CMYA5: variants seen among roughly 807,000 people sequenced by gnomAD.
CMYA5 encodes the protein cardiomyopathy associated 5, also known as cardiomyopathy-associated protein 5.
A neutral mutation model predicts 318.9 loss-of-function variants in CMYA5; 246 were observed. That is an observed-to-expected ratio of 0.77 (90% CI 0.70 to 0.86). CMYA5 has a LOEUF of 0.86. CMYA5 is among the 40% of genes least tolerant of loss of function. CMYA5 has a pLI of 0.00. For synonymous variants in CMYA5, 1,641 were observed against 1,729.5 expected (o/e 0.95, Z 1.27); for missense variants, 4,589 against 4,678.2 (o/e 0.98, Z 0.56).
chr5:79,731,141 A>G lies in CMYA5; in HGVS notation c.2376A>G (p.Thr792=). 6.2e-7 allele frequency: 1 copy of G among 1,614,020 alleles called. No individual in the cohort carries two copies. The highest frequency in any genetic ancestry group is 8.5e-7 in the Non-Finnish European group (1 of 1,179,898). The change falls in exon 2 of 13, where the codon ACA becomes ACG. Residue 792 remains threonine, a synonymous_variant. Coordinates refer to ENST00000446378, the MANE Select transcript of CMYA5 (RefSeq NM_153610.5). The part of the protein sequence containing the change: ...EGEDLGSERF[T]PDSKLISKYA... The stretch of plus-strand genomic sequence containing the variant: ...AGGACCTAGGAAGTGAACGTTTCAC[A>G]CCGGATTCAAAGTTGATCTCCAAAT...
At chr5:79,710,201 C>T (rs1354983194) in intron 1 of CMYA5, among the ~76,000 whole-genome samples, 1 of 151,968 alleles carries the variant, frequency 6.6e-6, no homozygotes, top group African/African-American at 2.4e-5. Flanking sequence ...TGTCATTCTT[C>T]TCACTAAATG....
Position 79,734,257 on chromosome 5 carries a change from A to T in CMYA5, c.5492A>T (p.Asp1831Val). The stretch of plus-strand genomic sequence containing the variant: ...AAGACAGAAAAAGCACTTCATTCAG[A>T]TCAAACTGTTAAATTACCTGATGTA... ...QKKTEKALHS[D>V]QTVKLPDVST... The change falls in exon 2 of 13, where the codon GAT (aspartate) becomes GTT (valine). Residue 1831 changes from aspartate to valine, a missense_variant. Asp to Val is a radical substitution (Grantham distance 152). Coordinates refer to ENST00000446378, the MANE Select transcript of CMYA5 (RefSeq NM_153610.5). The T allele has an allele frequency of 6.2e-7, 1 of 1,613,608 alleles. No homozygotes were observed. The highest frequency in any genetic ancestry group is 8.5e-7 in the Non-Finnish European group (1 of 1,179,778).
In CMYA5 at chr5:79,735,772, T is replaced by C; in HGVS notation, c.7007T>C (p.Val2336Ala). ...GTTATGGAAGAAGCCAAAACTATTGTTCCTCCTCATGTTACTGATAGTAAA... is the reference window on the plus strand; with the variant it reads ...GTTATGGAAGAAGCCAAAACTATTGCTCCTCCTCATGTTACTGATAGTAAA... ...KLVMEEAKTI[V>A]PPHVTDSKRV... Residue 2336 changes from valine (V) to alanine (A), a missense_variant, in exon 2 of 13, where the codon GTT becomes GCT. Around this residue, in one of 3 missense-constraint regions of CMYA5, gnomAD observed 2,431 missense variants for 2,495.1 expected, o/e 0.97. Coordinates refer to ENST00000446378, the MANE Select transcript of CMYA5 (RefSeq NM_153610.5). 1 of 1,569,294 alleles carries C rather than the reference T, an allele frequency of 6.4e-7. No individual in the cohort carries two copies. Among genetic ancestry groups the C allele is most frequent in the Non-Finnish European group, 8.6e-7 (1 of 1,164,746 alleles).
Position 79,729,699 on chromosome 5 carries a change from G to C in CMYA5, c.934G>C (p.Glu312Gln), listed in dbSNP as rs1351706328. ...GAGAGGCGCACTCTCCAAAGGATCA[G>C]AGTCCCTAACCTTAATGTTCAGTCA... ...PWRGALSKGS[E>Q]SLTLMFSHED... The change falls in exon 2 of 13, where the codon GAG becomes CAG. Residue 312 changes from glutamate to glutamine, a missense_variant. By Grantham distance (29) the Glu-to-Gln change is conservative (BLOSUM62 2). This residue lies in a region of CMYA5 where 2,132 missense variants were observed against 2,131.3 expected (regional missense o/e 1.00). Transcript: ENST00000446378. 6.2e-7 allele frequency: 1 copy of C among 1,613,836 alleles called. No individual in the cohort carries two copies. Among genetic ancestry groups the C allele is most frequent in the African/African-American group, 1.3e-5 (1 of 74,926 alleles).
intron 1 of CMYA5, among the ~76,000 whole-genome samples, chr5:79,690,630 TACTATGTACAAAAG>T (rs1324708938): frequency 6.6e-6 from 1 of 152,202 alleles, no homozygotes; most frequent in Non-Finnish European, 1.5e-5. Context: ...GATGAAGTAA[TACTATGTACAAAAG>T]ATGCACCTCC....
At chr5:79,790,249 T>C (rs1266154117) in intron 10 of CMYA5, among the ~76,000 whole-genome samples, 2 of 151,946 alleles carry the variant, frequency 1.3e-5, no homozygotes, top group East Asian at 3.9e-4. Flanking sequence ...GAGTCTCTCC[T>C]TTAGGTTATA....
intron 7 of CMYA5, among the ~76,000 whole-genome samples, chr5:79,759,191 G>A (rs936834664): frequency 2.6e-5 from 4 of 152,216 alleles, no homozygotes; most frequent in East Asian, 3.8e-4. Context: ...GAGCAATGAA[G>A]TGGTTCTCAT....
intron 9 of CMYA5, among the ~76,000 whole-genome samples, chr5:79,788,122 C>T (rs889663087): frequency 6.6e-6 from 1 of 152,172 alleles, no homozygotes; most frequent in African/African-American, 2.4e-5. Context: ...GGCTCTCCAG[C>T]ACCCAGGTTA....
rs1828026311 is a variant in CMYA5, at chr5:79,735,168, A to G, written c.6403A>G (p.Ile2135Val). 4 of 1,613,524 alleles carry G rather than the reference A, an allele frequency of 2.5e-6. No homozygotes were observed. The highest frequency in any genetic ancestry group is 2.2e-5 in the South Asian group (2 of 91,038). Reference sequence around the variant, plus strand: ...AAAAATACCCACACAAAGAAAACCCATCTCCTCAATCCATGCAAGAGAGCC... The same window carrying G: ...AAAAATACCCACACAAAGAAAACCCGTCTCCTCAATCCATGCAAGAGAGCC... ...EVKIPTQRKP[I>V]SSIHAREPQS... The change falls in exon 2 of 13, where the codon ATC (isoleucine) becomes GTC (valine). Residue 2135 changes from isoleucine (I) to valine (V), a missense_variant. Ile to Val is a conservative substitution (Grantham distance 29, BLOSUM62 3). Coordinates refer to ENST00000446378, the MANE Select transcript of CMYA5 (RefSeq NM_153610.5).
rs759592720 is a variant in CMYA5 at position 79,689,935 on chromosome 5, G to A, written c.28G>A (p.Gly10Ser). MASRDSNHA[G>S]ESFLGSDGDE... ...GGCGAGCCGCGATAGCAACCACGCT[G>A]GCGAGAGCTTTCTCGGCTCCGACGG... Residue 10 changes from glycine (G) to serine (S), a missense_variant, in exon 1 of 13, where the codon GGC becomes AGC. Physicochemically the swap from Gly to Ser is moderately conservative, Grantham distance 56. Around this residue, in one of 3 missense-constraint regions of CMYA5, gnomAD observed 2,132 missense variants for 2,131.3 expected, o/e 1.00. Coordinates refer to ENST00000446378, the MANE Select transcript of CMYA5 (RefSeq NM_153610.5). The A allele has an allele frequency of 5.7e-5, 56 of 988,904 alleles. No homozygotes were observed. The allele number at this position is 988,904 out of a possible 1,614,324, so 61.3% of individuals were successfully genotyped here. A position where few individuals can be genotyped will look rare whatever the true frequency, so the allele number is the denominator to read the frequency against.
chr5:79,796,585 G>C (rs943831045), intron 12 of CMYA5, among the ~76,000 whole-genome samples: 2 of 152,132 alleles, frequency 1.3e-5, no homozygotes, highest in African/African-American at 2.4e-5. Flanking sequence ...ATTTTTAGTA[G>C]AAACAGATTT....
intron 6 of CMYA5, among the ~76,000 whole-genome samples, chr5:79,755,805 G>T (rs1336551113): frequency 4.1e-5 from 5 of 123,424 alleles, no homozygotes; most frequent in Non-Finnish European, 7.5e-5. Context: ...TAATGCTTTT[G>T]GGGGAAGGAG....
rs748444439 is a variant in CMYA5, at chr5:79,736,543, C to T, written c.7778C>T (p.Ser2593Leu). 6.2e-7 allele frequency: 1 copy of T among 1,613,606 alleles called. No homozygotes were observed. Among genetic ancestry groups the T allele is most frequent in the South Asian group, 1.1e-5 (1 of 91,052 alleles). Residue 2593 changes from serine (S) to leucine (L), a missense_variant, in exon 2 of 13, where the codon TCA becomes TTA. Transcript: ENST00000446378. ...TCATTTTCATTAGTTAAAGCTACAT[C>T]AGTTACTGAAAAATCAGAAGCCATG... is the stretch of plus-strand genomic sequence containing the variant. ...TQSFSLVKAT[S>L]VTEKSEAMLA...
chr5:79,773,508 T>C (rs1413796205), intron 9 of CMYA5, among the ~76,000 whole-genome samples: 1 of 152,206 alleles, frequency 6.6e-6, no homozygotes, highest in African/African-American at 2.4e-5. Flanking sequence ...GTTCTGGATT[T>C]CATGCAAAAA....
intron 1 of CMYA5, among the ~76,000 whole-genome samples, chr5:79,721,247 G>T (rs1827619867): frequency 6.6e-6 from 1 of 152,148 alleles, no homozygotes; most frequent in African/African-American, 2.4e-5. Context: ...ACTTTGTGAA[G>T]CTAAGGTGAG....
chr5:79,734,394 G>T lies in CMYA5; in HGVS notation c.5629G>T (p.Val1877Phe). 1 of 1,613,858 alleles carries T rather than the reference G, an allele frequency of 6.2e-7. No homozygotes were observed. Among genetic ancestry groups the T allele is most frequent in the Non-Finnish European group, 8.5e-7 (1 of 1,179,818 alleles). ...KSFMTTKPAD[V>F]KETKMEEFFI... The stretch of plus-strand genomic sequence containing the variant: ...ATTTATGACAACCAAGCCTGCGGAT[G>T]TCAAAGAAACAAAAATGGAAGAATT... Residue 1877 changes from valine (V) to phenylalanine (F), a missense_variant, in exon 2 of 13, where the codon GTC becomes TTC. Coordinates refer to ENST00000446378, the MANE Select transcript of CMYA5 (RefSeq NM_153610.5).
rs777876693 is a variant in CMYA5, at chr5:79,790,960, C to T, written c.11690-10C>T. 1.3e-6 allele frequency: 2 copies of T among 1,595,696 alleles called. No individual in the cohort carries two copies. The highest frequency in any genetic ancestry group is 1.1e-5 in the South Asian group (1 of 90,196). On this transcript the variant is annotated splice_polypyrimidine_tract_variant and intron_variant, in intron 10 of 12. Transcript: ENST00000446378. The stretch of plus-strand genomic sequence containing the variant: ...GCAATGTTTTAATACTATTTTCTCA[C>T]CTGCAATAGGAACCAGATTTCTCTT...
intron 11 of CMYA5, among the ~76,000 whole-genome samples, chr5:79,792,633 G>C (rs926709686): frequency 6.6e-6 from 1 of 152,192 alleles, no homozygotes; most frequent in Non-Finnish European, 1.5e-5. Context: ...TGTTAAAGGG[G>C]AGAGGGAGAG....
chr5:79,732,447 C>A lies in CMYA5; in HGVS notation c.3682C>A (p.Pro1228Thr). The A allele has an allele frequency of 6.2e-7, 1 of 1,613,260 alleles. No individual in the cohort carries two copies. The highest frequency in any genetic ancestry group is 8.5e-7 in the Non-Finnish European group (1 of 1,179,616). The stretch of plus-strand genomic sequence containing the variant: ...TGTATCACAGGATCAAAAAATGGAG[C>A]CTCAGCCTCCAAATGTTCCAGAGTC... The part of the protein sequence containing the change: ...AHVSQDQKME[P>T]QPPNVPESEM... Residue 1228 changes from proline to threonine, a missense_variant, in exon 2 of 13, where the codon CCT becomes ACT. Transcript: ENST00000446378.
Sources: gnomAD v4.1 joint callset for allele counts (sites outside exome capture counted in the v4.1 genomes callset) on GRCh38, gnomAD v4.1.1 for gene constraint, gnomAD v4.1.1 regional missense constraint, MANE v1.5 for transcripts, NCBI Gene and HGNC (gene_info 2026-07-23, HGNC 2026-07-21) for gene names.